The following RORA variants were observed in gnomAD, a reference collection of about 807,000 sequenced individuals.
RORA encodes the protein RAR related orphan receptor A.
In RORA, 7 loss-of-function variants were observed where a neutral mutation model predicts 69.5. That is an observed-to-expected ratio of 0.10 (90% CI 0.06 to 0.19). The LOEUF is 0.19. Ranked by LOEUF, RORA falls within the 10% of genes least tolerant of loss-of-function variation. RORA has a pLI of 1.00. For synonymous variants in RORA, 261 were observed against 240.8 expected (o/e 1.08, Z -0.78); for missense variants, 457 against 663.0 (o/e 0.69, Z 3.41).
intron 1 of RORA, among the ~76,000 whole-genome samples, chr15:60,790,368 T>C (rs1410341375): frequency 1.3e-5 from 2 of 152,190 alleles, no homozygotes; most frequent in Admixed American, 6.5e-5. Flanking sequence ...ACTACAAATG[T>C]TGATGTTGAA....
At chr15:60,576,147 A>T (rs2068019839) in intron 2 of RORA, among the ~76,000 whole-genome samples, 1 of 152,138 alleles carries the variant, frequency 6.6e-6, no homozygotes, top group Non-Finnish European at 1.5e-5. Flanking sequence ...GCTTTTTCTC[A>T]TGGGCAGCGT....
intron 3 of RORA, among the ~76,000 whole-genome samples, chr15:60,519,559 G>A (rs1404359345): frequency 6.6e-6 from 1 of 152,102 alleles, no homozygotes; most frequent in Admixed American, 6.5e-5. Context: ...ATTAAATTAG[G>A]CAGTGTAAAA....
intron 1 of RORA, among the ~76,000 whole-genome samples, chr15:61,158,143 G>A (rs1206761324): frequency 1.3e-5 from 2 of 152,162 alleles, no homozygotes; most frequent in African/African-American, 4.8e-5. Flanking sequence ...AGACTTGGAC[G>A]CCAAGTCCTT....
intron 1 of RORA, among the ~76,000 whole-genome samples, chr15:60,823,051 TCCCTC>T (rs1361963758): frequency 5.6e-5 from 8 of 142,092 alleles, no homozygotes; most frequent in East Asian, 4.3e-4. Flanking sequence ...TCTTTCTCTC[TCCCTC>T]CCCTCCCCTC....
At chr15:60,615,198 G>C (rs1053848762) in intron 2 of RORA, among the ~76,000 whole-genome samples, 1 of 152,200 alleles carries the variant, frequency 6.6e-6, no homozygotes, top group African/African-American at 2.4e-5. Flanking sequence ...TCTGATTCCT[G>C]TATTTTGAAT....
At chr15:60,665,824 G>A (rs952015445) in intron 2 of RORA, among the ~76,000 whole-genome samples, 4 of 152,052 alleles carry the variant, frequency 2.6e-5, no homozygotes, top group Non-Finnish European at 5.9e-5. Flanking sequence ...ACAGGCGCCT[G>A]TCACCATGCC....
intron 1 of RORA, among the ~76,000 whole-genome samples, chr15:61,119,214 C>T (rs1281218786): frequency 6.6e-6 from 1 of 151,392 alleles, no homozygotes; most frequent in Non-Finnish European, 1.5e-5. Context: ...TGTTTCGTTT[C>T]TTGAGGCAGG....
chr15:60,614,783 A>G, intron 2 of RORA: 1 of 805,388 alleles, frequency 1.2e-6, no homozygotes, highest in African/African-American at 1.7e-5. Flanking sequence ...CTTAATATTT[A>G]TAGTAATCAT....
chr15:60,969,315 A>G (rs1380505827), intron 1 of RORA, among the ~76,000 whole-genome samples: 3 of 152,238 alleles, frequency 2.0e-5, no homozygotes, highest in African/African-American at 7.2e-5. Context: ...ATCACAGGAA[A>G]TCATGGTTTC....
At chr15:60,938,612 A>G (rs542643173) in intron 1 of RORA, among the ~76,000 whole-genome samples, 3 of 152,356 alleles carry the variant, frequency 2.0e-5, no homozygotes, top group African/African-American at 7.2e-5. Flanking sequence ...TGGTTAGATC[A>G]GTTCATACAA....
chr15:60,921,892 A>G (rs1892058608), intron 1 of RORA, among the ~76,000 whole-genome samples: 1 of 152,212 alleles, frequency 6.6e-6, no homozygotes, highest in Non-Finnish European at 1.5e-5. Flanking sequence ...ATGGTCATTC[A>G]TTTTTAAAAT....
rs867044964 is a variant in RORA, at chr15:60,539,027, T to A, written c.197-7176A>T. On this transcript the variant is annotated intron_variant, in intron 2 of 10. Coordinates refer to ENST00000335670, the MANE Select transcript of RORA (RefSeq NM_134261.3). The stretch of plus-strand genomic sequence containing the variant: ...CACACACACACACACACACACACAC[T>A]CCTCAAACCATCAAGAGATCAAACA... 1.6e-4 allele frequency among the ~76,000 whole-genome samples: 15 copies of A among 94,812 alleles called. No individual in the cohort carries two copies. The South Asian group carries it at 1.6e-3, about 10-fold the overall frequency. 62.2% of individuals were successfully genotyped at this position (94,812 alleles called of 152,430 possible). A position where few individuals can be genotyped will look rare whatever the true frequency, so the allele number is the denominator to read the frequency against.
chr15:60,574,061 G>A (rs1008599203), intron 2 of RORA, among the ~76,000 whole-genome samples: 2 of 152,106 alleles, frequency 1.3e-5, no homozygotes, highest in Non-Finnish European at 2.9e-5. Flanking sequence ...ACCTAATCTC[G>A]GAATCTGGAA....
chr15:60,562,570 G>T (rs1182723081), intron 2 of RORA, among the ~76,000 whole-genome samples: 2 of 151,764 alleles, frequency 1.3e-5, no homozygotes, highest in African/African-American at 4.8e-5. Flanking sequence ...CAAGTAGCTG[G>T]GACTATAGGC....
At chr15:60,688,143 G>A (rs2070773661) in intron 1 of RORA, among the ~76,000 whole-genome samples, 1 of 151,978 alleles carries the variant, frequency 6.6e-6, no homozygotes, top group Non-Finnish European at 1.5e-5. Context: ...CAAATGGAAG[G>A]CGCTACCATC....
At chr15:60,769,615 A>ATT (rs1423086695) in intron 1 of RORA, among the ~76,000 whole-genome samples, 5 of 152,162 alleles carry the variant, frequency 3.3e-5, no homozygotes, top group Non-Finnish European at 5.9e-5. Context: ...TTCTGGTCTC[A>ATT]TTGGCAGTTA....
At chr15:60,881,654 A>G (rs903395862) in intron 1 of RORA, among the ~76,000 whole-genome samples, 13 of 152,162 alleles carry the variant, frequency 8.5e-5, no homozygotes, top group African/African-American at 3.1e-4. Flanking sequence ...AGAGAGTGGG[A>G]GTAAAAGGGA....
intron 1 of RORA, among the ~76,000 whole-genome samples, chr15:61,109,716 C>G (rs73430867): frequency 0.083 from 12,670 of 152,260 alleles, 612 homozygotes; most frequent in East Asian, 0.16. Context: ...CGCTCTGAAA[C>G]ACTGCCTAAT....
chr15:61,197,261 A>G (rs2079853502), intron 1 of RORA, among the ~76,000 whole-genome samples: 1 of 152,236 alleles, frequency 6.6e-6, no homozygotes, highest in Non-Finnish European at 1.5e-5. Flanking sequence ...TAGTTTGGAA[A>G]GAAAGGCACT....
Sources: allele counts gnomAD v4.1 joint callset (sites outside exome capture counted in the v4.1 genomes callset), GRCh38; gene constraint gnomAD v4.1.1; transcripts MANE v1.5; gene names NCBI Gene and HGNC (gene_info 2026-07-23, HGNC 2026-07-21).